The following CCDC57 variants were observed in gnomAD, a reference collection of about 807,000 sequenced individuals.
The protein encoded by CCDC57 is coiled-coil domain-containing protein 57.
CCDC57 carries 118 observed loss-of-function variants against 118.9 expected under a neutral mutation model. The ratio of observed to expected loss-of-function variants is 0.99; its 90% CI spans 0.86 to 1.16. The LOEUF is 1.16. CCDC57 is among the 50% of genes most tolerant of loss of function. The probability of loss-of-function intolerance (pLI) is 0.00; values close to 1 mark genes in which losing one functional copy is unlikely to be tolerated. For synonymous variants in CCDC57, 527 were observed against 532.9 expected (o/e 0.99, Z 0.15); for missense variants, 1,300 against 1,320.7 (o/e 0.98, Z 0.24).
chr17:82,188,866 T>C (rs1277969233), intron 7 of CCDC57, among the ~76,000 whole-genome samples: 1 of 152,256 alleles, frequency 6.6e-6, no homozygotes, highest in African/African-American at 2.4e-5. Context: ...CTTGCTGTGT[T>C]GCCCAGCCTG....
intron 2 of CCDC57, among the ~76,000 whole-genome samples, chr17:82,203,589 G>A (rs1432855525): frequency 6.6e-6 from 1 of 152,128 alleles, no homozygotes; most frequent in Admixed American, 6.5e-5. Context: ...GAGGTGGGTG[G>A]GTCATTCAAA....
At chr17:82,209,328 CT>C (rs2050011784) in intron 1 of CCDC57, among the ~76,000 whole-genome samples, 2 of 152,166 alleles carry the variant, frequency 1.3e-5, no homozygotes. Context: ...ACTTTGCGGA[CT>C]TTTAGAACCA....
At chr17:82,148,657 T>C (rs1460314312) in intron 16 of CCDC57, among the ~76,000 whole-genome samples, 2 of 87,312 alleles carry the variant, frequency 2.3e-5, no homozygotes, top group African/African-American at 4.4e-5. Flanking sequence ...GGTGAATAGA[T>C]GAATGAGTGG....
chr17:82,159,449 G>A (rs1370515824), intron 14 of CCDC57, among the ~76,000 whole-genome samples: 1 of 152,178 alleles, frequency 6.6e-6, no homozygotes, highest in African/African-American at 2.4e-5. Flanking sequence ...CGTGTACATG[G>A]ATCTTCAACT....
intron 17 of CCDC57, among the ~76,000 whole-genome samples, chr17:82,131,980 T>C (rs1160942122): frequency 5.3e-5 from 8 of 152,068 alleles, no homozygotes; most frequent in East Asian, 1.9e-4. Context: ...AGGCCAGGCA[T>C]GCTGGCGGGC....
In CCDC57 at chr17:82,142,311, G is replaced by GTT. The variant is rs769545550; in HGVS notation, c.2456-8119_2456-8118dup. 6.1e-5 allele frequency among the ~76,000 whole-genome samples: 9 copies of GTT among 147,832 alleles called. 1 individual carries two copies. Among genetic ancestry groups the GTT allele is most frequent in the Admixed American group, 1.4e-4 (2 of 14,626 alleles). ...CTAAGTAACACAGCACTGAAGTTGT[G>GTT]TTTGTTTTTTTTTTTTCTTGAGACG... On this transcript the variant is annotated intron_variant, in intron 16 of 19. Transcript: ENST00000665763.
intron 10 of CCDC57, 105 bp downstream of exon 9, chr17:82,178,922 G>A (rs1396541703): frequency 7.7e-7 from 1 of 1,296,294 alleles, no homozygotes; most frequent in Non-Finnish European, 1.1e-6. Flanking sequence ...GAGGTTTAGT[G>A]TTTTCAAATT....
At chr17:82,145,218 G>T (rs1325032220) in intron 16 of CCDC57, among the ~76,000 whole-genome samples, 2 of 43,244 alleles carry the variant, frequency 4.6e-5, no homozygotes, top group African/African-American at 8.0e-5. Flanking sequence ...TAGTAGAGAC[G>T]GGGTTTCATC....
intron 9 of CCDC57, among the ~76,000 whole-genome samples, chr17:82,181,164 G>A (rs961286816): frequency 3.3e-5 from 5 of 152,236 alleles, no homozygotes; most frequent in Non-Finnish European, 7.3e-5. Flanking sequence ...ATCTGTGCAG[G>A]GATCCCCTAG....
chr17:82,128,743 G>C, intron 17 of CCDC57, 146 bp from the exon 17 acceptor site: 2 of 649,962 alleles, frequency 3.1e-6, no homozygotes, highest in South Asian at 3.7e-5. Flanking sequence ...AGCCCGGACT[G>C]AAGGGACCTG....
At chr17:82,174,441 G>A (rs1478225037) in intron 11 of CCDC57, among the ~76,000 whole-genome samples, 1 of 152,214 alleles carries the variant, frequency 6.6e-6, no homozygotes, top group East Asian at 1.9e-4. Context: ...TGTTTCTCAT[G>A]TAAATAAGAC....
Position 82,172,814 on chromosome 17 carries a change from GA to G in CCDC57, c.1552del (p.Ser518ProfsTer21). The stretch of plus-strand genomic sequence containing the variant: ...CTCTCGGAGCCGCTGGATCTCACTG[GA>G]TGGAAAGTCTTTACTTATTTCTTCT... On this transcript the variant is annotated frameshift_variant, in exon 12 of 20. Coordinates refer to ENST00000665763, the Ensembl canonical transcript of CCDC57. LOFTEE classifies it high-confidence loss of function. This position sits in a 1 kb window ranked among gnomAD's most constrained non-coding sequence, Gnocchi z 5.2. The G allele has an allele frequency of 6.2e-7, 1 of 1,613,570 alleles. No homozygotes were observed. Among genetic ancestry groups the G allele is most frequent in the East Asian group, 2.2e-5 (1 of 44,886 alleles).
chr17:82,109,138 T>TGG (rs974459560), intron 19 of CCDC57, among the ~76,000 whole-genome samples: 1 of 152,058 alleles, frequency 6.6e-6, no homozygotes, highest in African/African-American at 2.4e-5. Flanking sequence ...CAGAAAGTGT[T>TGG]GGGGGAGTCA....
chr17:82,203,228 T>G (rs533908075), intron 2 of CCDC57, among the ~76,000 whole-genome samples: 45 of 152,274 alleles, frequency 3.0e-4, no homozygotes, highest in African/African-American at 1.1e-3. Flanking sequence ...CCCTCTTGCT[T>G]CGTGCCTGCT....
chr17:82,155,439 C>G (rs901159944), intron 15 of CCDC57: 1 of 152,478 alleles, frequency 6.6e-6, no homozygotes, highest in Non-Finnish European at 1.5e-5. Flanking sequence ...TGGCCTAGTT[C>G]TGGTCCTTGG....
At chr17:82,180,361 T>C (rs1293364154) in intron 9 of CCDC57, among the ~76,000 whole-genome samples, 6 of 152,232 alleles carry the variant, frequency 3.9e-5, no homozygotes, top group Admixed American at 3.9e-4. Flanking sequence ...CGGGAATGGC[T>C]GAGCCCTGCC....
intron 17 of CCDC57, 105 bp from the exon 17 acceptor site, chr17:82,128,702 C>T (rs760236954): frequency 4.5e-5 from 41 of 913,500 alleles, no homozygotes; most frequent in Non-Finnish European, 6.6e-5. Context: ...TCCCACATTT[C>T]TGGTATTAAA....
At chr17:82,204,836 C>T (rs1599480109) in intron 2 of CCDC57, among the ~76,000 whole-genome samples, 1 of 152,288 alleles carries the variant, frequency 6.6e-6, no homozygotes, top group African/African-American at 2.4e-5. Flanking sequence ...ACATCTGGAC[C>T]CCAGGCTCCT....
At chr17:82,165,290 C>T (rs535593816) in intron 13 of CCDC57, among the ~76,000 whole-genome samples, 35 of 152,322 alleles carry the variant, frequency 2.3e-4, no homozygotes, top group Admixed American at 3.3e-4. Flanking sequence ...ACAGTCCACC[C>T]GCATTTTGCC....
Sources: gnomAD v4.1 joint callset for allele counts (sites outside exome capture counted in the v4.1 genomes callset) on GRCh38, gnomAD v4.1.1 for gene constraint, Gnocchi (gnomAD v3.1) non-coding constraint, MANE v1.5 for transcripts, NCBI Gene and HGNC (gene_info 2026-07-23, HGNC 2026-07-21) for gene names.